The following ANOS1 variants were observed in gnomAD, a reference collection of about 807,000 sequenced individuals.
ANOS1 encodes anosmin 1, also known as anosmin-1.
In ANOS1, 6 loss-of-function variants were observed where a neutral mutation model predicts 59.0. The ratio of observed to expected loss-of-function variants is 0.10; its 90% CI spans 0.06 to 0.20. The LOEUF (loss-of-function observed/expected upper bound fraction) is 0.20. ANOS1 is among the 10% of genes least tolerant of loss of function. The pLI is 1.00. For synonymous variants in ANOS1, 217 were observed against 223.4 expected (o/e 0.97, Z 0.25); for missense variants, 433 against 542.3 (o/e 0.80, Z 2.00).
At chrX:8,645,255 G>A (rs1931732552) in intron 2 of ANOS1, among the ~76,000 whole-genome samples, 1 of 112,485 alleles carries the variant, frequency 8.9e-6, no homozygotes, top group Admixed American at 9.4e-5. Context: ...CATCGACGAA[G>A]GGAGTCCAGG....
intron 1 of ANOS1, among the ~76,000 whole-genome samples, 169 bp from the exon 2 acceptor site, chrX:8,699,914 TGTAA>T (rs931684217): frequency 7.1e-5 from 8 of 112,259 alleles, no homozygotes; most frequent in African/African-American, 2.3e-4. Context: ...AAAATGTGTT[TGTAA>T]GTTTCATTTT....
chrX:8,553,205 TA>T lies in ANOS1; in HGVS notation c.1354+746del, dbSNP rs889966792. On this transcript the variant is annotated intron_variant, in intron 9 of 13. Coordinates refer to ENST00000262648, the MANE Select transcript of ANOS1 (RefSeq NM_000216.4). Reference sequence around the variant, plus strand: ...AACAGAAAAACAAATATTCTAAGACTAAAAAAAAAAATAAACAAAAAGAATT... The same window carrying T: ...AACAGAAAAACAAATATTCTAAGACTAAAAAAAAAATAAACAAAAAGAATT... 1.4e-3 allele frequency among the ~76,000 whole-genome samples: 142 copies of T among 101,934 alleles called. 1 individual carries two copies. Among genetic ancestry groups the T allele is most frequent in the South Asian group, 5.4e-3 (13 of 2,411 alleles). The allele number at this position is 101,934 out of a possible 115,157, so 88.5% of individuals were successfully genotyped here.
At chrX:8,556,524 C>G (rs1368994302) in intron 8 of ANOS1, among the ~76,000 whole-genome samples, 1 of 111,377 alleles carries the variant, frequency 9.0e-6, no homozygotes, top group Non-Finnish European at 1.9e-5. Flanking sequence ...ACAAGCATTC[C>G]TATACACCAA....
intron 3 of ANOS1, among the ~76,000 whole-genome samples, chrX:8,615,404 G>A (rs1179083991): frequency 1.8e-5 from 2 of 109,425 alleles, no homozygotes; most frequent in African/African-American, 6.7e-5. Context: ...TTAGCCAGGT[G>A]TGGTGGCAGG....
rs749764438 is a variant in ANOS1, at chrX:8,585,308, C to T, written c.815G>A (p.Arg272Gln). The T allele has an allele frequency of 5.8e-6, 7 of 1,208,898 alleles. No homozygotes were observed. The highest frequency in any genetic ancestry group is 3.0e-5 in the East Asian group (1 of 33,745). The change falls in exon 6 of 14, where the codon CGA becomes CAA. Residue 272 changes from arginine to glutamine, a missense_variant. By Grantham distance (43) the Arg-to-Gln change is conservative. Coordinates refer to ENST00000262648, the MANE Select transcript of ANOS1 (RefSeq NM_000216.4). ...GTGTTTGCTGGGGGCAGTGAAGCCT[C>T]GAGTTCCATGCACATTCACAGCAGC... ...RVAAVNVHGT[R>Q]GFTAPSKHFR...
chrX:8,661,345 G>A (rs1017133012), intron 2 of ANOS1, among the ~76,000 whole-genome samples: 1 of 108,966 alleles, frequency 9.2e-6, no homozygotes, highest in African/African-American at 3.4e-5. Context: ...CCCCTCTCCT[G>A]GGCTTGTAGA....
intron 2 of ANOS1, among the ~76,000 whole-genome samples, chrX:8,682,190 A>G (rs779335810): frequency 1.8e-5 from 2 of 111,056 alleles, no homozygotes; most frequent in South Asian, 7.7e-4. Context: ...TTCAGGCTCT[A>G]CCTGCAAAAA....
At chrX:8,611,047 G>T (rs1931047870) in intron 3 of ANOS1, among the ~76,000 whole-genome samples, 1 of 110,732 alleles carries the variant, frequency 9.0e-6, no homozygotes, top group African/African-American at 3.3e-5. Context: ...GGACATTTAA[G>T]AACTAATATA....
At chrX:8,554,704 T>C (rs375138162) in intron 8 of ANOS1, among the ~76,000 whole-genome samples, 1 of 108,723 alleles carries the variant, frequency 9.2e-6, no homozygotes, top group Non-Finnish European at 1.9e-5. Context: ...ATGCCACCAA[T>C]ACAGGAGCAT....
At chrX:8,709,871 G>A (rs1932801457) in intron 1 of ANOS1, among the ~76,000 whole-genome samples, 1 of 112,097 alleles carries the variant, frequency 8.9e-6, no homozygotes, top group South Asian at 3.7e-4. Context: ...GGGAAAGGTA[G>A]TGTGCAATAG....
intron 2 of ANOS1, among the ~76,000 whole-genome samples, chrX:8,673,295 C>T: frequency 9.4e-6 from 1 of 106,623 alleles, no homozygotes; most frequent in East Asian, 2.9e-4. Context: ...TAGCTATTTT[C>T]TTTGCTTACT....
chrX:8,586,960 A>C (rs1208055770), intron 5 of ANOS1, among the ~76,000 whole-genome samples: 1 of 110,058 alleles, frequency 9.1e-6, no homozygotes, highest in African/African-American at 3.3e-5. Context: ...TACTGAAAAA[A>C]AAAAAAATAG....
At chrX:8,618,713 C>T (rs5978926) in intron 3 of ANOS1, among the ~76,000 whole-genome samples, 43,308 of 110,774 alleles carry the variant, frequency 0.39, 6,113 homozygotes, top group South Asian at 0.45. Context: ...AATGTTTCAA[C>T]CTAGGAAAAT....
chrX:8,566,480 CAT>C (rs1930116180), intron 8 of ANOS1, among the ~76,000 whole-genome samples: 1 of 110,631 alleles, frequency 9.0e-6, no homozygotes, highest in Non-Finnish European at 1.9e-5. Flanking sequence ...AATTATGGAA[CAT>C]ATTGCTATAC....
chrX:8,570,332 G>A (rs767819263), intron 7 of ANOS1, among the ~76,000 whole-genome samples, 167 bp downstream of exon 7: 19 of 111,387 alleles, frequency 1.7e-4, no homozygotes, highest in Admixed American at 3.8e-4. Context: ...CAAAACAGCC[G>A]GCATGCCCCT....
chrX:8,640,307 A>G (rs764592375), intron 2 of ANOS1, among the ~76,000 whole-genome samples: 1 of 110,790 alleles, frequency 9.0e-6, no homozygotes, highest in South Asian at 3.9e-4. Flanking sequence ...TGATCTTCCT[A>G]ACAAGGGGGA....
At chrX:8,699,292 C>A (rs956698120) in intron 2 of ANOS1, among the ~76,000 whole-genome samples, 1 of 111,819 alleles carries the variant, frequency 8.9e-6, no homozygotes, top group African/African-American at 3.2e-5. Flanking sequence ...GCAATTCCTA[C>A]AAAGAAACCA....
At position 8,531,502 on chromosome X, in the gene ANOS1, CCTTT is replaced by C. The variant is rs1266947414; in HGVS notation, c.*1489_*1492del. On this transcript the variant is annotated 3_prime_UTR_variant, in exon 14 of 14. Coordinates refer to ENST00000262648, the MANE Select transcript of ANOS1 (RefSeq NM_000216.4). ...TTAGGTAGGTAAAGACATATGGACA[CCTTT>C]CTTTTACAGTGTTTAATTTTGATAA... 10 of 111,370 alleles carry C rather than the reference CCTTT, an allele frequency of 9.0e-5. No individual in the cohort carries two copies. Among genetic ancestry groups the C allele is most frequent in the Non-Finnish European group, 1.9e-4 (10 of 53,028 alleles). The allele number at this position is 111,370 out of a possible 1,213,427, so 9.2% of individuals were successfully genotyped here.
chrX:8,534,062 A>T (rs1336535008), intron 13 of ANOS1, among the ~76,000 whole-genome samples: 1 of 109,051 alleles, frequency 9.2e-6, no homozygotes, highest in Admixed American at 9.9e-5. Flanking sequence ...GAGCAAAGAA[A>T]GGGAGAAAAG....
Sources: gnomAD v4.1 joint callset for allele counts (sites outside exome capture counted in the v4.1 genomes callset) on GRCh38, gnomAD v4.1.1 for gene constraint, MANE v1.5 for transcripts, NCBI Gene and HGNC (gene_info 2026-07-23, HGNC 2026-07-21) for gene names.